The following NBPF3 variants were observed in gnomAD, a reference collection of about 807,000 sequenced individuals.
NBPF3 encodes NBPF member 3.
In NBPF3, 57 loss-of-function variants were observed where a neutral mutation model predicts 78.1. The observed-to-expected ratio is 0.73, with a 90% CI of 0.59 to 0.91. The LOEUF (loss-of-function observed/expected upper bound fraction) is 0.91. Ranked by LOEUF, NBPF3 falls within the 40% of genes least tolerant of loss-of-function variation. The pLI is 0.00. For missense variants in NBPF3, 510 were observed against 715.3 expected, an observed-to-expected ratio of 0.71 and a Z score of 3.27; for synonymous variants, 182 against 271.7, an observed-to-expected ratio of 0.67 and a Z score of 3.25.
intron 4 of NBPF3, 131 bp downstream of exon 4, chr1:21,470,865 C>G: frequency 1.7e-6 from 1 of 571,560 alleles, no homozygotes; most frequent in Non-Finnish European, 3.3e-6. Flanking sequence ...AGGCTCACGA[C>G]ACACAAAGAT....
Position 21,478,282 on chromosome 1 carries a change from A to G in NBPF3, c.1131A>G (p.Gln377=). The G allele has an allele frequency of 6.2e-7, 1 of 1,614,094 alleles. No homozygotes were observed. The highest frequency in any genetic ancestry group is 8.5e-7 in the Non-Finnish European group (1 of 1,180,038). The stretch of plus-strand genomic sequence containing the variant: ...CCTTTCACTCAGTAGAGGAACAGCA[A>G]GTCGGCTTGGCTCTTGACATAGGCA... ...RSTFHSVEEQ[Q]VGLALDIGRH... The change falls in exon 9 of 15, where the codon CAA becomes CAG. Residue 377 remains glutamine (Q), a synonymous_variant. Transcript: ENST00000318249.
At chr1:21,454,734 G>A (rs1202336201) in intron 2 of NBPF3, among the ~76,000 whole-genome samples, 3 of 152,164 alleles carry the variant, frequency 2.0e-5, no homozygotes, top group Non-Finnish European at 4.4e-5. Flanking sequence ...CTCTCCCACC[G>A]TTTCCTTCTT....
chr1:21,437,492 G>A (rs1438545898), upstream of NBPF3: 1 of 1,463,430 alleles, frequency 6.8e-7, no homozygotes, highest in Non-Finnish European at 9.2e-7. Context: ...CGCCCAGCGC[G>A]AGGTGCAGCG....
intron 2 of NBPF3, chr1:21,454,166 C>G (rs1463714989): frequency 6.6e-6 from 1 of 152,186 alleles, no homozygotes; most frequent in Non-Finnish European, 1.5e-5. Flanking sequence ...TCAAGTCCTC[C>G]CAGCAGAACA....
Position 21,445,151 on chromosome 1 carries a change from C to A in NBPF3, c.65C>A (p.Ser22Tyr), listed in dbSNP as rs767221369. ...CTCCGAGGCCCTGATGTAGAAACTT[C>A]CCCATTCGGTGCACCAAGAGCAGCC... Reference protein sequence around the residue: ...WTLRGPDVETSPFGAPRAASH... With the variant: ...WTLRGPDVETYPFGAPRAASH... Residue 22 changes from serine (S) to tyrosine (Y), a missense_variant, in exon 2 of 15, where the codon TCC becomes TAC. Physicochemically the swap from Ser to Tyr is moderately radical, Grantham distance 144. Around this residue, in one of 5 missense-constraint regions of NBPF3, gnomAD observed 440 missense variants for 478.2 expected, o/e 0.92. Transcript: ENST00000318249. The A allele has an allele frequency of 5.0e-6, 8 of 1,611,952 alleles. No individual in the cohort carries two copies. Among genetic ancestry groups the A allele is most frequent in the East Asian group, 2.2e-5 (1 of 44,864 alleles).
At chr1:21,466,668 A>G (rs535000627) in intron 2 of NBPF3, among the ~76,000 whole-genome samples, 12 of 152,394 alleles carry the variant, frequency 7.9e-5, no homozygotes, top group Non-Finnish European at 1.6e-4. Flanking sequence ...TCTGTCCTGG[A>G]CAATACTACA....
intron 2 of NBPF3, 122 bp downstream of exon 2, chr1:21,445,341 C>T: frequency 8.9e-7 from 1 of 1,118,340 alleles, no homozygotes; most frequent in Non-Finnish European, 1.3e-6. Flanking sequence ...TGGCATGAAA[C>T]AGATATTAAA....
intron 1 of NBPF3, among the ~76,000 whole-genome samples, chr1:21,441,851 T>C (rs1640673929): frequency 1.3e-5 from 2 of 152,180 alleles, no homozygotes; most frequent in South Asian, 4.1e-4. Context: ...TAGTATTACA[T>C]ATTGTTGAAC....
In NBPF3 at chr1:21,445,028, C is replaced by T. The variant is rs1200620532; in HGVS notation, c.-59C>T. The T allele has an allele frequency of 2.3e-5, 35 of 1,547,244 alleles. 1 individual carries two copies. Among genetic ancestry groups the T allele is most frequent in the Middle Eastern group, 2.4e-4 (1 of 4,188 alleles). On this transcript the variant is annotated 5_prime_UTR_variant, in exon 2 of 15. Coordinates refer to ENST00000318249, the MANE Select transcript of NBPF3 (RefSeq NM_032264.6). ...CTCTCACCAGCCAATTGTCCCTTGC[C>T]GTCCTCCTGAGGGTATCTGGAGCTT...
At chr1:21,441,016 T>C (rs1640613983) in intron 1 of NBPF3, 1 of 152,316 alleles carries the variant, frequency 6.6e-6, no homozygotes, top group Non-Finnish European at 1.5e-5. Context: ...CATCATCTCA[T>C]GTGGCGTCCT....
chr1:21,461,628 A>AT (rs1206498807), intron 2 of NBPF3, among the ~76,000 whole-genome samples: 1 of 151,942 alleles, frequency 6.6e-6, no homozygotes, highest in South Asian at 2.1e-4. Context: ...TGCCTGGCTA[A>AT]TTTTTTGTAT....
intron 2 of NBPF3, among the ~76,000 whole-genome samples, chr1:21,467,564 C>T (rs1375915763): frequency 6.6e-6 from 1 of 152,164 alleles, no homozygotes; most frequent in Admixed American, 6.5e-5. Flanking sequence ...TGGTGTTAGT[C>T]CAACCCAACG....
At position 21,484,635 on chromosome 1, in the gene NBPF3, A is replaced by T. The variant is rs1199972958; in HGVS notation, c.*1249A>T. The T allele has an allele frequency of 3.1e-5, 2 of 65,294 alleles. 1 individual carries two copies. The highest frequency in any genetic ancestry group is 8.0e-5 in the African/African-American group (2 of 25,040). 4.0% of individuals were successfully genotyped at this position (65,294 alleles called of 1,614,324 possible). On this transcript the variant is annotated 3_prime_UTR_variant, in exon 15 of 15. Coordinates refer to ENST00000318249, the MANE Select transcript of NBPF3 (RefSeq NM_032264.6). The stretch of plus-strand genomic sequence containing the variant: ...CCCTTTTAGAGACACCTTACTTATG[A>T]TGAAGTATTTGGGAGAGTGGTTTTT...
chr1:21,464,722 T>C (rs1256183243), intron 2 of NBPF3, among the ~76,000 whole-genome samples: 12 of 151,796 alleles, frequency 7.9e-5, no homozygotes, highest in Admixed American at 7.2e-4. Flanking sequence ...TAAAAGCATT[T>C]CAGGGCCAGG....
intron 2 of NBPF3, chr1:21,467,213 G>C: frequency 2.0e-6 from 2 of 985,462 alleles, no homozygotes; most frequent in South Asian, 9.4e-5. Flanking sequence ...AGTGCAGAGA[G>C]ACATGCTTTG....
At chr1:21,481,077 GT>G in intron 12 of NBPF3, 96 bp downstream of exon 12, 4 of 1,103,750 alleles carry the variant, frequency 3.6e-6, no homozygotes, top group Non-Finnish European at 5.2e-6. Flanking sequence ...TCGATTACAT[GT>G]TTTCAACCAA....
At chr1:21,437,319 TG>T, upstream of NBPF3, 1 of 407,250 alleles carries the variant, frequency 2.5e-6, no homozygotes, top group Non-Finnish European at 4.4e-6. Context: ...GGTGGGTGGG[TG>T]GGGGCTTTGA....
chr1:21,474,081 T>C (rs1186571276), intron 7 of NBPF3, among the ~76,000 whole-genome samples: 2 of 152,230 alleles, frequency 1.3e-5, no homozygotes, highest in Non-Finnish European at 2.9e-5. Flanking sequence ...TCTTTTTTAC[T>C]TTGCTGATAT....
intron 6 of NBPF3, 42 bp from the exon 7 acceptor site, chr1:21,473,338 G>A (rs1335389984): frequency 6.3e-7 from 1 of 1,598,528 alleles, no homozygotes; most frequent in Admixed American, 1.7e-5. Context: ...CAATCCCTCT[G>A]TGTTTAGTCT....
Sources: gnomAD v4.1 joint callset for allele counts (sites outside exome capture counted in the v4.1 genomes callset) on GRCh38, gnomAD v4.1.1 for gene constraint, gnomAD v4.1.1 regional missense constraint, MANE v1.5 for transcripts, NCBI Gene and HGNC (gene_info 2026-07-23, HGNC 2026-07-21) for gene names.